DLG1: variants seen among roughly 807,000 people sequenced by gnomAD.
The protein encoded by DLG1 is discs large MAGUK scaffold protein 1, also known as disks large homolog 1.
Under a neutral mutation model 123.4 loss-of-function variants are expected in DLG1, and 42 were observed. The observed-to-expected ratio is 0.34, with a 90% CI of 0.27 to 0.44. DLG1 has a LOEUF of 0.44. Ranked by LOEUF, DLG1 falls within the 20% of genes least tolerant of loss-of-function variation. DLG1 has a pLI of 1.00. For synonymous variants in DLG1, 317 were observed against 356.2 expected, an observed-to-expected ratio of 0.89 and a Z score of 1.24; for missense variants, 942 against 1,082.6, an observed-to-expected ratio of 0.87 and a Z score of 1.82.
chr3:197,282,881 T>C (rs745790108), intron 3 of DLG1, 36 bp from the exon 4 acceptor site: 3 of 1,312,494 alleles, frequency 2.3e-6, no homozygotes, highest in South Asian at 2.9e-5. Flanking sequence ...TAAGTATTTA[T>C]ATTTTCTAAC....
At chr3:197,257,538 C>G (rs999749456) in intron 4 of DLG1, among the ~76,000 whole-genome samples, 1 of 152,144 alleles carries the variant, frequency 6.6e-6, no homozygotes, top group African/African-American at 2.4e-5. Flanking sequence ...CAAAAAGAGG[C>G]TGACAAAGCA....
intron 5 of DLG1, among the ~76,000 whole-genome samples, chr3:197,151,422 T>C (rs539898482): frequency 6.6e-6 from 1 of 152,294 alleles, no homozygotes; most frequent in Non-Finnish European, 1.5e-5. Context: ...AAGTTACCTT[T>C]TGATTCTATT....
At position 197,296,409 on chromosome 3, in the gene DLG1, G is replaced by T. The variant is rs941078206; in HGVS notation, c.88C>A (p.Leu30Ile). The T allele has an allele frequency of 3.1e-6, 5 of 1,613,198 alleles. No individual in the cohort carries two copies. The highest frequency in any genetic ancestry group is 1.3e-5 in the African/African-American group (1 of 74,886). Reference protein sequence around the residue: ...SKLSQTEDRQLRSSIERVINI... With the variant: ...SKLSQTEDRQIRSSIERVINI... ...ATAACCCGTTCTATGGAACTTCTGA[G>T]CTGTCTGTCTTCAGTTTGGCTTAGT... Residue 30 changes from leucine to isoleucine, a missense_variant, in exon 3 of 25, where the codon CTC (leucine) becomes ATC (isoleucine). Transcript: ENST00000667157.
chr3:197,154,677 G>GAA (rs142521068), intron 5 of DLG1, among the ~76,000 whole-genome samples: 1 of 144,262 alleles, frequency 6.9e-6, no homozygotes, highest in African/African-American at 2.6e-5. Context: ...TCTGTCTCAA[G>GAA]AAAAAAAAAA....
chr3:197,153,901 G>C (rs532059887), intron 5 of DLG1, among the ~76,000 whole-genome samples: 4 of 152,248 alleles, frequency 2.6e-5, no homozygotes, highest in African/African-American at 9.6e-5. Flanking sequence ...AGAAGAAGGA[G>C]AATCTGATTT....
chr3:197,097,190 G>C (rs1291888214), intron 14 of DLG1, among the ~76,000 whole-genome samples: 1 of 152,180 alleles, frequency 6.6e-6, no homozygotes, highest in Non-Finnish European at 1.5e-5. Context: ...AACTACAGCT[G>C]GTTAACTGTG....
intron 18 of DLG1, among the ~76,000 whole-genome samples, chr3:197,075,393 T>C (rs940624658): frequency 4.6e-5 from 7 of 150,694 alleles, no homozygotes; most frequent in Non-Finnish European, 7.4e-5. Context: ...AGTATTCTAT[T>C]GTGCTTTATA....
At chr3:197,114,315 CA>C (rs1448577076) in intron 13 of DLG1, among the ~76,000 whole-genome samples, 2 of 152,158 alleles carry the variant, frequency 1.3e-5, no homozygotes, top group African/African-American at 4.8e-5. Context: ...AGTGAAACTG[CA>C]GCACATCAAA....
chr3:197,271,860 T>C (rs1438378769), intron 4 of DLG1, among the ~76,000 whole-genome samples: 1 of 152,144 alleles, frequency 6.6e-6, no homozygotes, highest in Admixed American at 6.5e-5. Flanking sequence ...AATACACACA[T>C]ACAGGAAAAG....
intron 1 of DLG1, 33 bp from the exon 2 acceptor site, chr3:197,297,268 A>G (rs1410157145): frequency 1.2e-6 from 2 of 1,611,612 alleles, no homozygotes; most frequent in African/African-American, 2.7e-5. Flanking sequence ...GAAAAAGGAT[A>G]GAATCATGTT....
chr3:197,155,843 G>A (rs1388425544), intron 5 of DLG1, among the ~76,000 whole-genome samples: 1 of 152,148 alleles, frequency 6.6e-6, no homozygotes, highest in African/African-American at 2.4e-5. Flanking sequence ...TGGCTATTCA[G>A]GAGACTGAGG....
intron 5 of DLG1, among the ~76,000 whole-genome samples, chr3:197,180,833 G>A (rs964968200): frequency 2.1e-4 from 32 of 152,152 alleles, no homozygotes; most frequent in Non-Finnish European, 4.4e-5. Context: ...TACAGGTACT[G>A]AAGAGGTATT....
At chr3:197,254,430 C>T (rs1755891093) in intron 4 of DLG1, among the ~76,000 whole-genome samples, 1 of 152,170 alleles carries the variant, frequency 6.6e-6, no homozygotes, top group Non-Finnish European at 1.5e-5. Flanking sequence ...TTTTATCAGC[C>T]TCACTGCAGC....
At chr3:197,125,926 G>T (rs1462414301) in intron 11 of DLG1, among the ~76,000 whole-genome samples, 1 of 152,186 alleles carries the variant, frequency 6.6e-6, no homozygotes, top group Non-Finnish European at 1.5e-5. Context: ...TGACAGCAGG[G>T]TGACTGTGCA....
At chr3:197,133,122 T>C (rs552285151) in intron 10 of DLG1, among the ~76,000 whole-genome samples, 21 of 152,360 alleles carry the variant, frequency 1.4e-4, no homozygotes, top group African/African-American at 3.8e-4. Context: ...AAAAATCTCT[T>C]TCTACACTGA....
intron 4 of DLG1, among the ~76,000 whole-genome samples, chr3:197,209,850 C>T (rs1037291506): frequency 6.8e-6 from 1 of 146,436 alleles, no homozygotes; most frequent in African/African-American, 2.4e-5. Context: ...AGAATTTAAC[C>T]TTGCTTTTAG....
chr3:197,231,220 C>T (rs988608555), intron 4 of DLG1, among the ~76,000 whole-genome samples: 2 of 101,246 alleles, frequency 2.0e-5, no homozygotes, highest in Admixed American at 2.1e-4. Flanking sequence ...AGAATTAATG[C>T]TGTGGTTTGC....
At chr3:197,092,199 A>T (rs1758116096) in intron 14 of DLG1, among the ~76,000 whole-genome samples, 1 of 152,216 alleles carries the variant, frequency 6.6e-6, no homozygotes, top group South Asian at 2.1e-4. Context: ...AGATCATAAA[A>T]ATATATCATG....
intron 5 of DLG1, among the ~76,000 whole-genome samples, chr3:197,183,275 T>C (rs1173627867): frequency 6.6e-6 from 1 of 152,210 alleles, no homozygotes; most frequent in Admixed American, 6.5e-5. Flanking sequence ...TAGCACAGTC[T>C]AAAAAGGAGA....
Sources: allele counts gnomAD v4.1 joint callset (sites outside exome capture counted in the v4.1 genomes callset), GRCh38; gene constraint gnomAD v4.1.1; transcripts MANE v1.5; gene names NCBI Gene and HGNC (gene_info 2026-07-23, HGNC 2026-07-21).